ZC3H6: variants seen among roughly 807,000 people sequenced by gnomAD.
ZC3H6 encodes the protein zinc finger CCCH-type containing 6.
A neutral mutation model predicts 107.7 loss-of-function variants in ZC3H6; 40 were observed. The ratio of observed to expected loss-of-function variants is 0.37; its 90% confidence interval spans 0.29 to 0.48. ZC3H6 has a LOEUF of 0.48. ZC3H6 is among the 20% of genes least tolerant of loss of function. ZC3H6 has a pLI of 0.98. For synonymous variants in ZC3H6, 493 were observed against 487.9 expected (o/e 1.01, Z -0.14); for missense variants, 1,267 against 1,410.4 (o/e 0.90, Z 1.63).
intron 1 of ZC3H6, among the ~76,000 whole-genome samples, chr2:112,289,288 C>T (rs763211328): frequency 4.1e-5 from 6 of 146,256 alleles, no homozygotes; most frequent in East Asian, 4.2e-4. Flanking sequence ...ATGAGCCACC[C>T]GTGCCAGGCC....
At chr2:112,290,631 C>G (rs150293392) in intron 1 of ZC3H6, among the ~76,000 whole-genome samples, 1 of 148,864 alleles carries the variant, frequency 6.7e-6, no homozygotes, top group Admixed American at 6.7e-5. Context: ...TGAATAAATA[C>G]GTGTTAAATG....
intron 6 of ZC3H6, 46 bp from the exon 7 acceptor site, chr2:112,317,175 T>C (rs1676711900): frequency 2.7e-6 from 3 of 1,117,800 alleles, no homozygotes; most frequent in Non-Finnish European, 3.7e-6. Context: ...TTTCTCATTG[T>C]TTCTTACCTT....
intron 1 of ZC3H6, among the ~76,000 whole-genome samples, chr2:112,287,408 T>G (rs1038079017): frequency 2.6e-5 from 4 of 152,240 alleles, no homozygotes; most frequent in African/African-American, 9.6e-5. Flanking sequence ...CTGTCTCTGC[T>G]TATGACATAA....
chr2:112,291,571 A>G (rs1007164871), intron 1 of ZC3H6, among the ~76,000 whole-genome samples: 3 of 152,222 alleles, frequency 2.0e-5, no homozygotes, highest in Admixed American at 1.3e-4. Flanking sequence ...AAGGAATAAT[A>G]CAAACACAAC....
chr2:112,285,503 CACA>C (rs1331152931), intron 1 of ZC3H6, among the ~76,000 whole-genome samples: 2 of 151,936 alleles, frequency 1.3e-5, no homozygotes, highest in African/African-American at 2.4e-5. Flanking sequence ...ACTACAGGCC[CACA>C]ACGCCACGCC....
At chr2:112,315,591 GT>G (rs1245086069) in intron 5 of ZC3H6, among the ~76,000 whole-genome samples, 3 of 144,368 alleles carry the variant, frequency 2.1e-5, no homozygotes, top group African/African-American at 2.5e-5. Context: ...CTTTTTTTTT[GT>G]TTTTTTTTTG....
At chr2:112,278,342 G>A (rs1340003392) in intron 1 of ZC3H6, among the ~76,000 whole-genome samples, 1 of 152,230 alleles carries the variant, frequency 6.6e-6, no homozygotes, top group Non-Finnish European at 1.5e-5. Context: ...TTTTGAGACG[G>A]AGTCTCGCTC....
intron 3 of ZC3H6, among the ~76,000 whole-genome samples, chr2:112,306,481 G>A (rs567127378): frequency 4.6e-5 from 7 of 152,080 alleles, no homozygotes; most frequent in African/African-American, 1.4e-4. Context: ...CCTGAAGTCT[G>A]TATTTCTATT....
In ZC3H6 at chr2:112,336,877, C is replaced by T. The variant is rs1233312066; in HGVS notation, c.*4389C>T. 6.6e-6 allele frequency: 1 copy of T among 152,104 alleles called. No homozygotes were observed. Among genetic ancestry groups the T allele is most frequent in the Non-Finnish European group, 1.5e-5 (1 of 68,024 alleles). The allele number at this position is 152,104 out of a possible 1,614,324, so 9.4% of individuals were successfully genotyped here. ...TTTTGGAGACAGGACCCACATGTATCTCCTTATTTTTATACTTGCCATAGA... is the reference window on the plus strand; with the variant it reads ...TTTTGGAGACAGGACCCACATGTATTTCCTTATTTTTATACTTGCCATAGA... On this transcript the variant is annotated 3_prime_UTR_variant, in exon 12 of 12. Coordinates refer to ENST00000409871, the MANE Select transcript of ZC3H6 (RefSeq NM_198581.3).
Position 112,324,377 on chromosome 2 carries a change from A to G in ZC3H6, c.1566A>G (p.Pro522=). ...AGAGCCCACCTTTACCACCTGGTCC[A>G]CCTGAAATTGTAGGTCCTCAAAATC... ...VPQSPPLPPG[P]PEIVGPQNQA... is the part of the protein sequence containing the mutation. Residue 522 remains proline (P), a synonymous_variant, in exon 10 of 12, where the codon CCA becomes CCG. Transcript: ENST00000409871. 1 of 1,613,988 alleles carries G rather than the reference A, an allele frequency of 6.2e-7. No individual in the cohort carries two copies. Among genetic ancestry groups the G allele is most frequent in the East Asian group, 2.2e-5 (1 of 44,878 alleles).
rs1371111283 is a variant in ZC3H6 at position 112,311,821 on chromosome 2, A to G, written c.631A>G (p.Lys211Glu). 2.5e-6 allele frequency: 4 copies of G among 1,611,838 alleles called. No individual in the cohort carries two copies. Among genetic ancestry groups the G allele is most frequent in the Non-Finnish European group, 3.4e-6 (4 of 1,178,758 alleles). The part of the protein sequence containing the change: ...GVQQGIEQRV[K>E]SFNVGRGRGL... ...TTTTCTAGGTATTGAACAGAGAGTTAAAAGTTTTAATGTTGGTCGTGGACG... is the reference window on the plus strand; with the variant it reads ...TTTTCTAGGTATTGAACAGAGAGTTGAAAGTTTTAATGTTGGTCGTGGACG... The change falls in exon 5 of 12, where the codon AAA (lysine) becomes GAA (glutamate). Residue 211 changes from lysine to glutamate, a missense_variant. Coordinates refer to ENST00000409871, the MANE Select transcript of ZC3H6 (RefSeq NM_198581.3).
chr2:112,317,869 A>G (rs1279295382), intron 7 of ZC3H6, among the ~76,000 whole-genome samples: 1 of 152,024 alleles, frequency 6.6e-6, no homozygotes, highest in Non-Finnish European at 1.5e-5. Flanking sequence ...TTCCATGTTA[A>G]TTTTCCCCCA....
chr2:112,299,637 G>C (rs77707167), intron 1 of ZC3H6, among the ~76,000 whole-genome samples: 176 of 152,254 alleles, frequency 1.2e-3, no homozygotes, highest in African/African-American at 4.1e-3. Flanking sequence ...ATTCTTAAAG[G>C]AATGTTAAAT....
At chr2:112,309,751 G>C in intron 3 of ZC3H6, 134 bp from the exon 4 acceptor site, 1 of 797,296 alleles carries the variant, frequency 1.3e-6, no homozygotes, top group Non-Finnish European at 1.9e-6. Flanking sequence ...GATAAGTACT[G>C]ATCAAGAGTC....
At chr2:112,313,327 C>T (rs933411522) in intron 5 of ZC3H6, among the ~76,000 whole-genome samples, 2 of 152,078 alleles carry the variant, frequency 1.3e-5, no homozygotes, top group East Asian at 1.9e-4. Flanking sequence ...TCTTAGACAC[C>T]AGTAGACCTT....
intron 1 of ZC3H6, among the ~76,000 whole-genome samples, 189 bp from the exon 2 acceptor site, chr2:112,299,660 G>A (rs145308307): frequency 1.8e-4 from 28 of 152,204 alleles, no homozygotes; most frequent in Non-Finnish European, 3.2e-4. Context: ...AGACGAATTC[G>A]CAACAGAAAC....
intron 3 of ZC3H6, among the ~76,000 whole-genome samples, chr2:112,304,539 T>C (rs1350955861): frequency 1.3e-5 from 2 of 152,162 alleles, no homozygotes; most frequent in African/African-American, 4.8e-5. Flanking sequence ...ACCCCTGGTG[T>C]TTCTCTGTGT....
intron 1 of ZC3H6, among the ~76,000 whole-genome samples, chr2:112,292,075 T>C (rs1278799826): frequency 6.6e-6 from 1 of 152,172 alleles, no homozygotes; most frequent in Non-Finnish European, 1.5e-5. Flanking sequence ...TCCATTTTAT[T>C]TTATTTTATT....
intron 1 of ZC3H6, among the ~76,000 whole-genome samples, chr2:112,276,944 C>G (rs937102421): frequency 1.3e-5 from 2 of 152,132 alleles, no homozygotes; most frequent in African/African-American, 4.8e-5. Flanking sequence ...CACAATTACT[C>G]CTTTGTGAAT....
Sources: allele counts gnomAD v4.1 joint callset (sites outside exome capture counted in the v4.1 genomes callset), GRCh38; gene constraint gnomAD v4.1.1; transcripts MANE v1.5; gene names NCBI Gene and HGNC (gene_info 2026-07-23, HGNC 2026-07-21).